The following ST6GALNAC3 variants were observed in gnomAD, a reference collection of about 807,000 sequenced individuals.
The protein encoded by ST6GALNAC3 is ST6 N-acetylgalactosaminide alpha-2,6-sialyltransferase 3, also known as alpha-N-acetylgalactosaminide alpha-2,6-sialyltransferase 3.
ST6GALNAC3 carries 25 observed loss-of-function variants against 32.7 expected under a neutral mutation model. The ratio of observed to expected loss-of-function variants is 0.76; its 90% CI spans 0.56 to 1.07. The LOEUF (loss-of-function observed/expected upper bound fraction) is 1.07. ST6GALNAC3 is among the 50% of genes least tolerant of loss of function. The pLI is 0.00. For missense variants in ST6GALNAC3, 355 were observed against 382.4 expected, an observed-to-expected ratio of 0.93 and a Z score of 0.60; for synonymous variants, 129 against 133.1, an observed-to-expected ratio of 0.97 and a Z score of 0.21.
chr1:76,384,550 A>G (rs1395920139), intron 2 of ST6GALNAC3, among the ~76,000 whole-genome samples: 4 of 152,166 alleles, frequency 2.6e-5, no homozygotes, highest in Non-Finnish European at 5.9e-5. Context: ...TCTAAATGAC[A>G]TATAGAACTC....
chr1:76,183,034 A>G (rs1653289634), intron 1 of ST6GALNAC3, among the ~76,000 whole-genome samples: 2 of 152,090 alleles, frequency 1.3e-5, no homozygotes, highest in Non-Finnish European at 2.9e-5. Flanking sequence ...AGATGTCACT[A>G]TGTCTAATGC....
At chr1:76,261,934 A>C (rs553892651) in intron 1 of ST6GALNAC3, among the ~76,000 whole-genome samples, 1 of 152,308 alleles carries the variant, frequency 6.6e-6, no homozygotes, top group Non-Finnish European at 1.5e-5. Flanking sequence ...GGAATGGAGA[A>C]CCTCCAGTGG....
chr1:76,184,151 A>G (rs1653381321), intron 1 of ST6GALNAC3, among the ~76,000 whole-genome samples: 1 of 151,972 alleles, frequency 6.6e-6, no homozygotes, highest in African/African-American at 2.4e-5. Context: ...CCTTATGTGA[A>G]CCAAAAACAT....
chr1:76,579,476 T>C (rs1244746320), intron 3 of ST6GALNAC3, among the ~76,000 whole-genome samples: 1 of 152,110 alleles, frequency 6.6e-6, no homozygotes, highest in Non-Finnish European at 1.5e-5. Context: ...AGTCTTAATG[T>C]CATCAGATCT....
chr1:76,438,557 A>G (rs924194524), intron 3 of ST6GALNAC3, among the ~76,000 whole-genome samples: 1 of 152,196 alleles, frequency 6.6e-6, no homozygotes, highest in African/African-American at 2.4e-5. Flanking sequence ...GTAGGATAAA[A>G]TCTTTTTATT....
At position 76,628,739 on chromosome 1, in the gene ST6GALNAC3, A is replaced by C; in HGVS notation, c.851A>C (p.Lys284Thr). The C allele has an allele frequency of 2.5e-6, 4 of 1,612,498 alleles. No homozygotes were observed. Among genetic ancestry groups the C allele is most frequent in the Non-Finnish European group, 3.4e-6 (4 of 1,179,030 alleles). Reference protein sequence around the residue: ...YGGHRFITEKKVFAKWAKKHR... With the variant: ...YGGHRFITEKTVFAKWAKKHR... ...GGTCATAGGTTTATCACTGAAAAGA[A>C]AGTGTTTGCTAAATGGGCCAAGAAG... Residue 284 changes from lysine to threonine, a missense_variant, in exon 5 of 5, where the codon AAA (lysine) becomes ACA (threonine). By Grantham distance (78) the Lys-to-Thr change is moderately conservative. Coordinates refer to ENST00000328299, the MANE Select transcript of ST6GALNAC3 (RefSeq NM_152996.4).
intron 1 of ST6GALNAC3, among the ~76,000 whole-genome samples, chr1:76,081,127 T>A (rs917325525): frequency 6.6e-6 from 1 of 152,178 alleles, no homozygotes; most frequent in Admixed American, 6.5e-5. Context: ...AATTGTCCGA[T>A]GTCCTGTGGT....
chr1:76,603,420 C>T (rs748434745), intron 3 of ST6GALNAC3, among the ~76,000 whole-genome samples: 5 of 152,144 alleles, frequency 3.3e-5, no homozygotes, highest in Non-Finnish European at 5.9e-5. Flanking sequence ...TAAGCATTAA[C>T]AGAGATGGAT....
At chr1:76,217,380 A>G (rs143559349) in intron 1 of ST6GALNAC3, among the ~76,000 whole-genome samples, 6 of 152,320 alleles carry the variant, frequency 3.9e-5, no homozygotes, top group Non-Finnish European at 5.9e-5. Context: ...AGTCTAAATT[A>G]TTGTCCAATA....
At chr1:76,174,067 CA>C (rs1343308872) in intron 1 of ST6GALNAC3, among the ~76,000 whole-genome samples, 2 of 152,060 alleles carry the variant, frequency 1.3e-5, no homozygotes, top group African/African-American at 4.8e-5. Flanking sequence ...TTTACGATAG[CA>C]AAGACATGGA....
chr1:76,476,907 G>A (rs1398079070), intron 3 of ST6GALNAC3, among the ~76,000 whole-genome samples: 5 of 152,246 alleles, frequency 3.3e-5, no homozygotes, highest in African/African-American at 1.2e-4. Flanking sequence ...GGGAGGGAAA[G>A]CCAGACCAGC....
chr1:76,166,790 T>G (rs1233861907), intron 1 of ST6GALNAC3, among the ~76,000 whole-genome samples: 1 of 152,222 alleles, frequency 6.6e-6, no homozygotes, highest in Admixed American at 6.5e-5. Flanking sequence ...CGTTGCCTAT[T>G]CGGCTCTTGG....
At chr1:76,361,550 T>C (rs1294781743) in intron 2 of ST6GALNAC3, among the ~76,000 whole-genome samples, 2 of 152,228 alleles carry the variant, frequency 1.3e-5, no homozygotes, top group Non-Finnish European at 1.5e-5. Flanking sequence ...TTTGAAAATA[T>C]ACAGTTTCTG....
chr1:76,503,937 G>A (rs190723379), intron 3 of ST6GALNAC3, among the ~76,000 whole-genome samples: 268 of 152,206 alleles, frequency 1.8e-3, no homozygotes, highest in African/African-American at 6.3e-3. Context: ...TCTTCCCCAG[G>A]CAACCACAAA....
intron 3 of ST6GALNAC3, among the ~76,000 whole-genome samples, chr1:76,573,006 G>A (rs1170979062): frequency 2.0e-5 from 3 of 152,134 alleles, no homozygotes; most frequent in Non-Finnish European, 4.4e-5. Context: ...TTAACTAAAA[G>A]TTTTGTAGAA....
intron 1 of ST6GALNAC3, among the ~76,000 whole-genome samples, chr1:76,184,562 C>CACACACACACAT (rs1553163156): frequency 6.8e-6 from 1 of 147,978 alleles, no homozygotes; most frequent in African/African-American, 2.5e-5. Flanking sequence ...CACACACACA[C>CACACACACACAT]GAAACATATG....
chr1:76,610,347 G>A (rs1000292416), intron 3 of ST6GALNAC3, among the ~76,000 whole-genome samples: 19 of 152,064 alleles, frequency 1.2e-4, no homozygotes, highest in African/African-American at 4.1e-4. Context: ...TGCCCCAAAC[G>A]GTTGACGGTT....
At chr1:76,501,383 C>T (rs1457900873) in intron 3 of ST6GALNAC3, among the ~76,000 whole-genome samples, 6 of 152,150 alleles carry the variant, frequency 3.9e-5, no homozygotes, top group Non-Finnish European at 5.9e-5. Context: ...GGCTTTATCC[C>T]GGGATCTTAT....
At chr1:76,191,111 T>G (rs1653870079) in intron 1 of ST6GALNAC3, among the ~76,000 whole-genome samples, 1 of 152,084 alleles carries the variant, frequency 6.6e-6, no homozygotes, top group Non-Finnish European at 1.5e-5. Flanking sequence ...AGCATGGTCA[T>G]GAAGAAAGTG....
Sources: gnomAD v4.1 joint callset for allele counts (sites outside exome capture counted in the v4.1 genomes callset) on GRCh38, gnomAD v4.1.1 for gene constraint, MANE v1.5 for transcripts, NCBI Gene and HGNC (gene_info 2026-07-23, HGNC 2026-07-21) for gene names.